Variants in PACRG observed in about 807,000 individuals in gnomAD.
PACRG encodes parkin coregulated gene protein.
A neutral mutation model predicts 29.7 loss-of-function variants in PACRG; 29 were observed. The observed-to-expected ratio is 0.98, with a 90% CI of 0.73 to 1.33. The LOEUF (loss-of-function observed/expected upper bound fraction) is 1.33. Among genes scored for constraint, PACRG ranks in the 40% most tolerant of loss-of-function variants. PACRG has a pLI of 0.00. For missense variants in PACRG, 279 were observed against 316.2 expected (o/e 0.88, Z 0.89); for synonymous variants, 116 against 118.7 (o/e 0.98, Z 0.15).
intron 2 of PACRG, among the ~76,000 whole-genome samples, chr6:163,058,224 T>C (rs1585113657): frequency 6.6e-6 from 1 of 152,126 alleles, no homozygotes; most frequent in South Asian, 2.1e-4. Context: ...CTAAGCAGGA[T>C]TACGTACATC....
At chr6:162,960,521 G>A (rs1191964078) in intron 2 of PACRG, among the ~76,000 whole-genome samples, 1 of 152,114 alleles carries the variant, frequency 6.6e-6, no homozygotes, top group Non-Finnish European at 1.5e-5. Flanking sequence ...ACCAAATACT[G>A]CACATTCTCT....
At chr6:162,816,708 T>A (rs1385178286) in intron 2 of PACRG, among the ~76,000 whole-genome samples, 1 of 152,150 alleles carries the variant, frequency 6.6e-6, no homozygotes, top group East Asian at 1.9e-4. Flanking sequence ...AGTTTCATAT[T>A]TATTTCGTGG....
chr6:162,845,612 C>T (rs972743603), intron 2 of PACRG, among the ~76,000 whole-genome samples: 1 of 152,140 alleles, frequency 6.6e-6, no homozygotes, highest in African/African-American at 2.4e-5. Flanking sequence ...GAAAATGTTG[C>T]TTGCTGTCAC....
chr6:162,928,490 A>G (rs1052297030), intron 2 of PACRG, among the ~76,000 whole-genome samples: 1 of 151,992 alleles, frequency 6.6e-6, no homozygotes, highest in African/African-American at 2.4e-5. Flanking sequence ...GTATTGATAC[A>G]TAATAGATTT....
intron 4 of PACRG, among the ~76,000 whole-genome samples, chr6:163,270,385 T>A (rs1288328804): frequency 6.6e-6 from 1 of 152,178 alleles, no homozygotes; most frequent in South Asian, 2.1e-4. Flanking sequence ...TTTTTTTAAA[T>A]TTCAGTGATA....
chr6:163,025,266 A>G (rs1807016923), intron 2 of PACRG, among the ~76,000 whole-genome samples: 1 of 152,240 alleles, frequency 6.6e-6, no homozygotes, highest in African/African-American at 2.4e-5. Flanking sequence ...ATTAAAAGCC[A>G]TCCAAATAGG....
At chr6:162,904,398 C>T (rs993606400) in intron 2 of PACRG, among the ~76,000 whole-genome samples, 2 of 152,176 alleles carry the variant, frequency 1.3e-5, no homozygotes, top group Non-Finnish European at 2.9e-5. Flanking sequence ...AGTCGGGGAA[C>T]AGCCCCTGCT....
At chr6:162,747,361 TATACAC>T (rs1460664246) in intron 1 of PACRG, among the ~76,000 whole-genome samples, 1 of 43,898 alleles carries the variant, frequency 2.3e-5, no homozygotes, top group African/African-American at 1.1e-4. Context: ...TATATATATA[TATACAC>T]ATACATATAT....
intron 4 of PACRG, among the ~76,000 whole-genome samples, chr6:163,175,678 C>G (rs1779312553): frequency 6.6e-6 from 1 of 151,006 alleles, no homozygotes; most frequent in South Asian, 2.1e-4. Context: ...TTTCCTGAGG[C>G]CTGGCCTGTG....
At chr6:163,156,847 G>A (rs149970460) in intron 4 of PACRG, among the ~76,000 whole-genome samples, 2 of 152,172 alleles carry the variant, frequency 1.3e-5, no homozygotes, top group African/African-American at 4.8e-5. Flanking sequence ...CTCCCTGACC[G>A]TTTTTCGTGT....
chr6:163,247,455 T>C (rs1782737692), intron 4 of PACRG, among the ~76,000 whole-genome samples: 1 of 152,202 alleles, frequency 6.6e-6, no homozygotes, highest in Non-Finnish European at 1.5e-5. Flanking sequence ...TAGTTTATCT[T>C]CTAAAAAATT....
intron 2 of PACRG, among the ~76,000 whole-genome samples, chr6:163,015,693 T>C (rs932451994): frequency 6.6e-6 from 1 of 152,168 alleles, no homozygotes; most frequent in Non-Finnish European, 1.5e-5. Context: ...TATACATTGA[T>C]TTTGTATCCT....
At chr6:162,980,768 C>T (rs1186378623) in intron 2 of PACRG, among the ~76,000 whole-genome samples, 3 of 152,092 alleles carry the variant, frequency 2.0e-5, no homozygotes, top group Non-Finnish European at 4.4e-5. Flanking sequence ...TGTATGGCCC[C>T]GCCTTTAAGA....
chr6:163,216,805 A>T (rs1005757141), intron 4 of PACRG, among the ~76,000 whole-genome samples: 38 of 152,216 alleles, frequency 2.5e-4, no homozygotes, highest in African/African-American at 9.2e-4. Context: ...ATTTATATTT[A>T]GGAAACCCTC....
At chr6:163,241,613 A>G (rs1239087868) in intron 4 of PACRG, among the ~76,000 whole-genome samples, 1 of 152,288 alleles carries the variant, frequency 6.6e-6, no homozygotes, top group Non-Finnish European at 1.5e-5. Flanking sequence ...CCACCCCTCA[A>G]TGGGCTAGGG....
At chr6:163,282,556 CA>C (rs764067519) in intron 4 of PACRG, among the ~76,000 whole-genome samples, 1 of 151,652 alleles carries the variant, frequency 6.6e-6, no homozygotes, top group Non-Finnish European at 1.5e-5. Flanking sequence ...ACTAAAAATA[CA>C]AAAAATTAGC....
intron 3 of PACRG, among the ~76,000 whole-genome samples, chr6:163,087,353 A>T (rs1347660887): frequency 6.6e-6 from 1 of 151,056 alleles, no homozygotes; most frequent in Non-Finnish European, 1.5e-5. Context: ...GGAAACAGGG[A>T]CCAGAAGAGA....
intron 4 of PACRG, among the ~76,000 whole-genome samples, chr6:163,160,337 G>A (rs546206692): frequency 6.6e-6 from 1 of 152,096 alleles, no homozygotes; most frequent in Non-Finnish European, 1.5e-5. Flanking sequence ...AATCATGTTC[G>A]CCACCCAGCA....
At chr6:163,217,232 T>C (rs953651344) in intron 4 of PACRG, among the ~76,000 whole-genome samples, 8 of 152,184 alleles carry the variant, frequency 5.3e-5, no homozygotes, top group Non-Finnish European at 1.5e-5. Context: ...GTAGGTATGA[T>C]GCCCAAAGGC....
Sources: gnomAD v4.1 joint callset for allele counts (sites outside exome capture counted in the v4.1 genomes callset) on GRCh38, gnomAD v4.1.1 for gene constraint, MANE v1.5 for transcripts, NCBI Gene and HGNC (gene_info 2026-07-23, HGNC 2026-07-21) for gene names.